The following LRFN5 variants were observed in gnomAD, a reference collection of about 807,000 sequenced individuals.
LRFN5 encodes the protein leucine rich repeat and fibronectin type III domain containing 5, also known as leucine-rich repeat and fibronectin type-III domain-containing protein 5.
LRFN5 carries 24 observed loss-of-function variants against 45.6 expected under a neutral mutation model. That is an observed-to-expected ratio of 0.53 (90% CI 0.38 to 0.74). The LOEUF is 0.74. Ranked by LOEUF, LRFN5 falls within the 30% of genes least tolerant of loss-of-function variation. LRFN5 has a pLI of 0.00. For missense variants in LRFN5, 776 were observed against 861.5 expected, an observed-to-expected ratio of 0.90 and a Z score of 1.24; for synonymous variants, 340 against 313.8, an observed-to-expected ratio of 1.08 and a Z score of -0.88.
At chr14:41,854,827 T>C (rs955080245) in intron 2 of LRFN5, among the ~76,000 whole-genome samples, 1 of 152,174 alleles carries the variant, frequency 6.6e-6, no homozygotes, top group African/African-American at 2.4e-5. Flanking sequence ...AGCCTAATTA[T>C]CTTGTAGGTT....
chr14:41,792,119 C>T (rs184595548), intron 2 of LRFN5, among the ~76,000 whole-genome samples: 131 of 152,080 alleles, frequency 8.6e-4, no homozygotes, highest in African/African-American at 3.0e-3. Context: ...CATCACATAT[C>T]GGTAGGACCA....
At chr14:41,646,015 T>A (rs1879798223) in intron 1 of LRFN5, among the ~76,000 whole-genome samples, 1 of 152,150 alleles carries the variant, frequency 6.6e-6, no homozygotes. Context: ...TAATTGTACA[T>A]ATTTGGGGAG....
chr14:41,684,435 C>A (rs1274152373), intron 1 of LRFN5, among the ~76,000 whole-genome samples: 1 of 152,220 alleles, frequency 6.6e-6, no homozygotes, highest in East Asian at 1.9e-4. Flanking sequence ...TATAAGGCAG[C>A]AGGAAGGAGA....
intron 1 of LRFN5, among the ~76,000 whole-genome samples, chr14:41,681,752 A>G (rs928124159): frequency 1.3e-5 from 2 of 151,380 alleles, no homozygotes; most frequent in Non-Finnish European, 2.9e-5. Context: ...GAATATTATA[A>G]CACTGTAACT....
At chr14:41,834,860 G>A (rs111676910) in intron 2 of LRFN5, among the ~76,000 whole-genome samples, 2 of 151,608 alleles carry the variant, frequency 1.3e-5, no homozygotes, top group East Asian at 1.9e-4. Flanking sequence ...ATGAGGTTTC[G>A]CTCTGTTGCC....
chr14:41,750,267 TTATATATATATATA>T (rs60275061), intron 1 of LRFN5, among the ~76,000 whole-genome samples: 104,520 of 144,328 alleles, frequency 0.72, 37,926 homozygotes, highest in East Asian at 0.97. Flanking sequence ...GTAACTTTTC[TTATATATATATATA>T]TATATATATA....
intron 2 of LRFN5, among the ~76,000 whole-genome samples, chr14:41,805,954 C>T (rs1364989896): frequency 1.3e-5 from 2 of 152,112 alleles, no homozygotes; most frequent in African/African-American, 4.8e-5. Flanking sequence ...TGGACTCTGC[C>T]CACTGGTCTT....
intron 1 of LRFN5, among the ~76,000 whole-genome samples, chr14:41,677,180 A>T (rs1881671689): frequency 6.6e-6 from 1 of 152,232 alleles, no homozygotes; most frequent in African/African-American, 2.4e-5. Flanking sequence ...GGCTAAACAT[A>T]GTTAAGGAAA....
chr14:41,724,015 A>C (rs1883830660), intron 1 of LRFN5, among the ~76,000 whole-genome samples: 1 of 152,282 alleles, frequency 6.6e-6, no homozygotes, highest in Admixed American at 6.5e-5. Context: ...GGAGAGAAAC[A>C]AAATGTTCTC....
At chr14:41,832,730 T>C (rs1888529027) in intron 2 of LRFN5, among the ~76,000 whole-genome samples, 1 of 152,144 alleles carries the variant, frequency 6.6e-6, no homozygotes, top group Admixed American at 6.6e-5. Context: ...ATTGCCCCAG[T>C]CCCACAATGT....
chr14:41,900,539 C>T (rs1384076447), intron 5 of LRFN5, among the ~76,000 whole-genome samples: 1 of 152,012 alleles, frequency 6.6e-6, no homozygotes, highest in Non-Finnish European at 1.5e-5. Context: ...AAATGACTGT[C>T]ATATATTATA....
At chr14:41,798,909 A>C (rs1011501571) in intron 2 of LRFN5, among the ~76,000 whole-genome samples, 1 of 151,838 alleles carries the variant, frequency 6.6e-6, no homozygotes, top group Non-Finnish European at 1.5e-5. Flanking sequence ...ATATTAATTT[A>C]TCTCTCTGTA....
At chr14:41,814,998 T>TA (rs1010654771) in intron 2 of LRFN5, among the ~76,000 whole-genome samples, 5 of 151,816 alleles carry the variant, frequency 3.3e-5, no homozygotes, top group South Asian at 2.1e-4. Flanking sequence ...CTTGAAGAAC[T>TA]AAAAAAAAGT....
chr14:41,692,464 T>C (rs2138707588), intron 1 of LRFN5, among the ~76,000 whole-genome samples: 1 of 152,242 alleles, frequency 6.6e-6, no homozygotes, highest in African/African-American at 2.4e-5. Flanking sequence ...GTGCAAAACA[T>C]GCAGGTTTGT....
At chr14:41,734,316 TTA>T (rs60855395) in intron 1 of LRFN5, among the ~76,000 whole-genome samples, 2,748 of 38,760 alleles carry the variant, frequency 0.071, 394 homozygotes, top group African/African-American at 0.14. Context: ...TGGACTGGTT[TTA>T]TATATATATA....
At chr14:41,854,518 A>G (rs1889386273) in intron 2 of LRFN5, among the ~76,000 whole-genome samples, 1 of 152,344 alleles carries the variant, frequency 6.6e-6, no homozygotes, top group South Asian at 2.1e-4. Context: ...GAAAAGAAAA[A>G]AAGAAATGAC....
At chr14:41,625,715 C>A (rs574649335) in intron 1 of LRFN5, among the ~76,000 whole-genome samples, 1 of 151,856 alleles carries the variant, frequency 6.6e-6, no homozygotes, top group Non-Finnish European at 1.5e-5. Context: ...CTTTATTTGA[C>A]CTATAATAAT....
chr14:41,611,848 A>G (rs1376324344), intron 1 of LRFN5, among the ~76,000 whole-genome samples: 1 of 152,172 alleles, frequency 6.6e-6, no homozygotes, highest in Non-Finnish European at 1.5e-5. Flanking sequence ...CTTTTTCTCA[A>G]GAGGCGATGG....
At chr14:41,756,896 C>G (rs945140634) in intron 1 of LRFN5, among the ~76,000 whole-genome samples, 77 of 152,122 alleles carry the variant, frequency 5.1e-4, no homozygotes, top group African/African-American at 1.5e-3. Flanking sequence ...TTTTATCTAC[C>G]TTTGGTCTTT....
Sources: gnomAD v4.1 joint callset for allele counts (sites outside exome capture counted in the v4.1 genomes callset) on GRCh38, gnomAD v4.1.1 for gene constraint, MANE v1.5 for transcripts, NCBI Gene and HGNC (gene_info 2026-07-23, HGNC 2026-07-21) for gene names.